CIT: variants seen among roughly 807,000 people sequenced by gnomAD.
The protein encoded by CIT is citron Rho-interacting kinase.
In CIT, 79 loss-of-function variants were observed where a neutral mutation model predicts 272.7. That is an observed-to-expected ratio of 0.29 (90% CI 0.24 to 0.35). The LOEUF (loss-of-function observed/expected upper bound fraction) is 0.35. Among genes scored for constraint, CIT ranks in the 10% least tolerant of loss-of-function variants. CIT has a pLI of 1.00. For missense variants in CIT, 1,909 were observed against 2,618.3 expected (o/e 0.73, Z 5.91); for synonymous variants, 948 against 995.6 (o/e 0.95, Z 0.90).
intron 10 of CIT, among the ~76,000 whole-genome samples, chr12:119,794,831 A>T (rs1160895975): frequency 6.6e-6 from 1 of 152,178 alleles, no homozygotes; most frequent in Admixed American, 6.5e-5. Flanking sequence ...TATGAAATGA[A>T]CACTCATTCT....
intron 41 of CIT, among the ~76,000 whole-genome samples, chr12:119,704,023 G>A (rs1183172918): frequency 6.6e-6 from 1 of 152,012 alleles, no homozygotes; most frequent in African/African-American, 2.4e-5. Context: ...GGGACTGCTA[G>A]GATCTTAGAA....
At chr12:119,847,177 G>A (rs1180069683) in intron 5 of CIT, among the ~76,000 whole-genome samples, 1 of 152,046 alleles carries the variant, frequency 6.6e-6, no homozygotes, top group African/African-American at 2.4e-5. Context: ...GTAGAGACGA[G>A]GTTTCACCAT....
At position 119,720,461 on chromosome 12, in the gene CIT, C is replaced by T. The variant is rs1957767370; in HGVS notation, c.3840+17G>A. On this transcript the variant is annotated intron_variant, in intron 30 of 47. Coordinates refer to ENST00000392521, the MANE Select transcript of CIT (RefSeq NM_001206999.2). ...AGTGAAACTGACAATTCCCACTTTT[C>T]AAACACTTTGACTCACCTTTTTCTT... 6.4e-7 allele frequency: 1 copy of T among 1,574,692 alleles called. No homozygotes were observed. The highest frequency in any genetic ancestry group is 1.4e-5 in the African/African-American group (1 of 73,908).
intron 25 of CIT, among the ~76,000 whole-genome samples, chr12:119,734,662 G>T (rs529865057): frequency 6.6e-6 from 1 of 151,806 alleles, no homozygotes; most frequent in East Asian, 1.9e-4. Context: ...TTCGAGACAG[G>T]GTCCAGCTCT....
intron 16 of CIT, among the ~76,000 whole-genome samples, chr12:119,773,440 C>CT (rs977211710): frequency 3.3e-5 from 5 of 151,016 alleles, no homozygotes; most frequent in South Asian, 2.1e-4. Flanking sequence ...ACCTGTTTTG[C>CT]TTTTTTTTTG....
chr12:119,840,119 C>T (rs560033386), intron 5 of CIT, among the ~76,000 whole-genome samples: 44 of 152,208 alleles, frequency 2.9e-4, no homozygotes, highest in African/African-American at 1.1e-3. Flanking sequence ...GAATTCAAGA[C>T]CAGCCTGAGC....
At chr12:119,746,654 T>C (rs975094503) in intron 23 of CIT, among the ~76,000 whole-genome samples, 1 of 152,194 alleles carries the variant, frequency 6.6e-6, no homozygotes, top group Non-Finnish European at 1.5e-5. Context: ...ATTTCAGTCA[T>C]TAATACTGAT....
chr12:119,806,723 C>A (rs989899926), intron 9 of CIT, among the ~76,000 whole-genome samples: 1 of 145,962 alleles, frequency 6.9e-6, no homozygotes, highest in Admixed American at 7.3e-5. Flanking sequence ...ACAACAGATA[C>A]AAGAAATGGG....
chr12:119,872,455 T>C (rs907702329), intron 2 of CIT, among the ~76,000 whole-genome samples: 3 of 152,092 alleles, frequency 2.0e-5, no homozygotes, highest in Admixed American at 1.3e-4. Context: ...CAGCACTATA[T>C]GGGAAAAGAA....
intron 6 of CIT, among the ~76,000 whole-genome samples, chr12:119,833,566 G>A (rs1176032649): frequency 1.3e-5 from 2 of 150,554 alleles, no homozygotes; most frequent in African/African-American, 4.9e-5. Context: ...TTGGGAGGCT[G>A]AGGCAGGAGA....
intron 46 of CIT, among the ~76,000 whole-genome samples, chr12:119,695,283 A>G (rs946975888): frequency 2.0e-5 from 3 of 152,136 alleles, no homozygotes; most frequent in Admixed American, 1.3e-4. Flanking sequence ...AGTAGCCACT[A>G]GAGGGAGCAG....
intron 26 of CIT, among the ~76,000 whole-genome samples, chr12:119,733,374 C>CA (rs529017895): frequency 4.1e-5 from 6 of 147,924 alleles, no homozygotes; most frequent in Admixed American, 6.7e-5. Flanking sequence ...TACAAAAATA[C>CA]AAAAAAAAAA....
chr12:119,816,654 C>T (rs1270715150), intron 9 of CIT, among the ~76,000 whole-genome samples: 4 of 152,200 alleles, frequency 2.6e-5, no homozygotes, highest in Non-Finnish European at 4.4e-5. Context: ...CCACGGACCA[C>T]ACTCTGAGTA....
At chr12:119,831,676 T>C (rs1467994866) in intron 7 of CIT, among the ~76,000 whole-genome samples, 2 of 152,166 alleles carry the variant, frequency 1.3e-5, no homozygotes, top group African/African-American at 4.8e-5. Context: ...GAGACCATCC[T>C]GGCTAACACG....
intron 10 of CIT, among the ~76,000 whole-genome samples, chr12:119,794,296 G>GAATA (rs888610854): frequency 2.0e-5 from 3 of 152,122 alleles, no homozygotes; most frequent in African/African-American, 4.8e-5. Flanking sequence ...ATGAATGAAT[G>GAATA]AATAAATAAG....
intron 30 of CIT, among the ~76,000 whole-genome samples, chr12:119,719,152 G>A (rs1957704151): frequency 6.6e-6 from 1 of 152,150 alleles, no homozygotes; most frequent in African/African-American, 2.4e-5. Context: ...CATGTCCTGA[G>A]TCTTTCCCAT....
rs891984175 is a variant in CIT, at chr12:119,869,053, A to G, written c.238+7T>C. On this transcript the variant is annotated splice_region_variant and intron_variant, in intron 3 of 47. Coordinates refer to ENST00000392521, the MANE Select transcript of CIT (RefSeq NM_001206999.2). Reference sequence around the variant, plus strand: ...ACAGTTTTCAAGAAAAAGTTCCCCAAACTTACACTTCCGGACAAAGTTGCT... The same window carrying G: ...ACAGTTTTCAAGAAAAAGTTCCCCAGACTTACACTTCCGGACAAAGTTGCT... 6.2e-7 allele frequency: 1 copy of G among 1,608,868 alleles called. No individual in the cohort carries two copies. The highest frequency in any genetic ancestry group is 8.5e-7 in the Non-Finnish European group (1 of 1,179,050).
At chr12:119,803,432 A>T (rs771255592) in intron 9 of CIT, 43 bp from the exon 10 acceptor site, 4 of 1,413,756 alleles carry the variant, frequency 2.8e-6, no homozygotes, top group South Asian at 1.4e-5. Flanking sequence ...AGGAAAAAAA[A>T]TTTCAGCCGG....
Position 119,776,280 on chromosome 12 carries a change from T to A in CIT, c.1887+78A>T, listed in dbSNP as rs979222823. 21 of 1,073,768 alleles carry A rather than the reference T, an allele frequency of 2.0e-5. No individual in the cohort carries two copies. In the East Asian group the frequency reaches 4.7e-4, roughly 24 times the overall value. The allele number at this position is 1,073,768 out of a possible 1,614,324, so 66.5% of individuals were successfully genotyped here. ...ATTGATGAAGAATACTCTTCATCAA[T>A]GATGGGCCACTGATAATAACATGAA... On this transcript the variant is annotated intron_variant, in intron 15 of 47. Coordinates refer to ENST00000392521, the MANE Select transcript of CIT (RefSeq NM_001206999.2).
Sources: gnomAD v4.1 joint callset for allele counts (sites outside exome capture counted in the v4.1 genomes callset) on GRCh38, gnomAD v4.1.1 for gene constraint, MANE v1.5 for transcripts, NCBI Gene and HGNC (gene_info 2026-07-23, HGNC 2026-07-21) for gene names.